LRRC49: variants seen among roughly 807,000 people sequenced by gnomAD.
The protein encoded by LRRC49 is leucine rich repeat containing 49.
Under a neutral mutation model 83.3 loss-of-function variants are expected in LRRC49, and 50 were observed. That is an observed-to-expected ratio of 0.60 (90% CI 0.48 to 0.76). The LOEUF (loss-of-function observed/expected upper bound fraction) is 0.76. Among genes scored for constraint, LRRC49 ranks in the 30% least tolerant of loss-of-function variants. LRRC49 has a pLI of 0.00. For synonymous variants in LRRC49, 286 were observed against 283.3 expected (o/e 1.01, Z -0.10); for missense variants, 704 against 809.1 (o/e 0.87, Z 1.58).
chr15:71,032,930 T>C (rs1041506624), intron 14 of LRRC49, among the ~76,000 whole-genome samples: 5 of 152,124 alleles, frequency 3.3e-5, no homozygotes, highest in African/African-American at 1.2e-4. Context: ...AAGCTGGAAG[T>C]ATTCTCCTTG....
chr15:71,002,800 A>G (rs2038307448), intron 11 of LRRC49, among the ~76,000 whole-genome samples: 1 of 152,060 alleles, frequency 6.6e-6, no homozygotes, highest in Non-Finnish European at 1.5e-5. Flanking sequence ...TAATCCTCCT[A>G]AATAATGTCT....
chr15:71,012,861 G>A lies in LRRC49; in HGVS notation c.1651G>A (p.Ala551Thr), dbSNP rs143898891. 1,760 of 1,613,252 alleles carry A rather than the reference G, an allele frequency of 1.1e-3. 2 individuals carry two copies. Among genetic ancestry groups the A allele is most frequent in the Non-Finnish European group, 1.4e-3 (1,610 of 1,179,446 alleles). Residue 551 changes from alanine (A) to threonine (T), a missense_variant, in exon 14 of 16, where the codon GCA (alanine) becomes ACA (threonine). Physicochemically the swap from Ala to Thr is moderately conservative, Grantham distance 58 (BLOSUM62 0). Coordinates refer to ENST00000260382, the MANE Select transcript of LRRC49 (RefSeq NM_017691.5). ...ERLFGILAHV[A>T]SSELPQYRLI... Reference sequence around the variant, plus strand: ...GCTCTTTGGAATCCTAGCACATGTAGCATCTTCTGAGTTACCCCAGTATCG... The same window carrying A: ...GCTCTTTGGAATCCTAGCACATGTAACATCTTCTGAGTTACCCCAGTATCG...
At chr15:70,909,375 A>G (rs2034452011) in intron 5 of LRRC49, among the ~76,000 whole-genome samples, 1 of 152,176 alleles carries the variant, frequency 6.6e-6, no homozygotes, top group African/African-American at 2.4e-5. Context: ...TTTGAGAACC[A>G]CTGTTTTAGG....
chr15:71,004,448 G>A (rs534803103), intron 11 of LRRC49, among the ~76,000 whole-genome samples: 24 of 152,148 alleles, frequency 1.6e-4, no homozygotes, highest in African/African-American at 5.3e-4. Flanking sequence ...TCAGGAGTTC[G>A]AGACCAGCCT....
intron 10 of LRRC49, among the ~76,000 whole-genome samples, chr15:70,983,873 A>AT (rs1262627492): frequency 6.6e-6 from 1 of 151,838 alleles, no homozygotes; most frequent in Non-Finnish European, 1.5e-5. Context: ...AATTGTTTGC[A>AT]TTTTTTTCCT....
intron 3 of LRRC49, among the ~76,000 whole-genome samples, chr15:70,898,730 C>T (rs921541377): frequency 8.6e-5 from 13 of 151,964 alleles, no homozygotes; most frequent in Admixed American, 3.9e-4. Flanking sequence ...CTGCAGTGAG[C>T]GGTAATCATG....
chr15:70,916,334 G>T (rs181254096), intron 6 of LRRC49, among the ~76,000 whole-genome samples: 2 of 151,928 alleles, frequency 1.3e-5, no homozygotes, highest in African/African-American at 4.8e-5. Flanking sequence ...TCGCTCTGTC[G>T]CCCAGGCTGG....
At chr15:70,921,162 T>C (rs950498089) in intron 7 of LRRC49, among the ~76,000 whole-genome samples, 1 of 152,184 alleles carries the variant, frequency 6.6e-6, no homozygotes, top group Admixed American at 6.5e-5. Flanking sequence ...TCCCACACAT[T>C]TGTGAACTTC....
At chr15:70,875,715 G>A (rs568230743) in intron 2 of LRRC49, among the ~76,000 whole-genome samples, 1 of 152,308 alleles carries the variant, frequency 6.6e-6, no homozygotes, top group East Asian at 1.9e-4. Context: ...TCACAATTTT[G>A]CATGGGAGTA....
At chr15:70,891,191 G>A (rs931416183), upstream of LRRC49, among the ~76,000 whole-genome samples, 3 of 152,232 alleles carry the variant, frequency 2.0e-5, no homozygotes, top group African/African-American at 7.2e-5. Flanking sequence ...GAAGAAGGTA[G>A]TAGTAACCAG....
intron 1 of LRRC49, chr15:70,858,764 C>CT: frequency 8.7e-7 from 1 of 1,151,356 alleles, no homozygotes; most frequent in Non-Finnish European, 1.3e-6. Flanking sequence ...CTCTGGCCCC[C>CT]GGGCCTTCAG....
rs935372641 is a variant in LRRC49 at position 70,900,720 on chromosome 15, A to G, written c.194-202A>G. The G allele has an allele frequency of 3.6e-5, 19 of 528,232 alleles. No individual in the cohort carries two copies. In the Admixed American group the frequency reaches 5.2e-4, roughly 15 times the overall value. The allele number at this position is 528,232 out of a possible 1,614,324, so 32.7% of individuals were successfully genotyped here. ...TAAGGCAAGGGAAAAATTATTTGGC[A>G]TACATGGAACACATAGTTTAGGTTT... is the stretch of plus-strand genomic sequence containing the variant. On this transcript the variant is annotated intron_variant, in intron 3 of 15. Coordinates refer to ENST00000260382, the MANE Select transcript of LRRC49 (RefSeq NM_017691.5).
chr15:70,995,015 T>G (rs1184007760), intron 11 of LRRC49, among the ~76,000 whole-genome samples: 1 of 152,210 alleles, frequency 6.6e-6, no homozygotes, highest in Non-Finnish European at 1.5e-5. Context: ...ATAGCAACTT[T>G]AGCCTGAATG....
intron 9 of LRRC49, among the ~76,000 whole-genome samples, chr15:70,965,950 G>T (rs557487208): frequency 2.6e-5 from 4 of 152,124 alleles, no homozygotes; most frequent in South Asian, 2.1e-4. Flanking sequence ...CTGTGAGCTG[G>T]CTACCTGTTT....
chr15:70,854,368 C>T (rs1332866320), intron 1 of LRRC49, among the ~76,000 whole-genome samples: 1 of 152,192 alleles, frequency 6.6e-6, no homozygotes, highest in Admixed American at 6.5e-5. Context: ...GAAGGATCCC[C>T]GCGACCCCCG....
At chr15:71,029,615 TG>T (rs2039285344) in intron 14 of LRRC49, among the ~76,000 whole-genome samples, 1 of 152,192 alleles carries the variant, frequency 6.6e-6, no homozygotes, top group Non-Finnish European at 1.5e-5. Context: ...ATATTGACAG[TG>T]GGCTGTTAAA....
At chr15:70,952,404 G>T (rs1223247277) in intron 8 of LRRC49, among the ~76,000 whole-genome samples, 1 of 151,776 alleles carries the variant, frequency 6.6e-6, no homozygotes. Context: ...GCTTTTTTTG[G>T]TTGGTAGACT....
chr15:70,994,169 T>C (rs2037998289), intron 11 of LRRC49, among the ~76,000 whole-genome samples: 1 of 152,212 alleles, frequency 6.6e-6, no homozygotes, highest in Non-Finnish European at 1.5e-5. Flanking sequence ...TTATACACAA[T>C]GTTAGATAAG....
intron 11 of LRRC49, among the ~76,000 whole-genome samples, chr15:71,002,642 C>T (rs1378418179): frequency 3.3e-5 from 5 of 152,060 alleles, no homozygotes; most frequent in Non-Finnish European, 7.4e-5. Flanking sequence ...TGAATTTTCA[C>T]ACCTATGAAT....
Sources: allele counts gnomAD v4.1 joint callset (sites outside exome capture counted in the v4.1 genomes callset), GRCh38; gene constraint gnomAD v4.1.1; transcripts MANE v1.5; gene names NCBI Gene and HGNC (gene_info 2026-07-23, HGNC 2026-07-21).